Variants in CEP170 observed in about 807,000 individuals in gnomAD.
The protein encoded by CEP170 is centrosomal protein 170, also known as centrosomal protein of 170 kDa.
In CEP170, 21 loss-of-function variants were observed where a neutral mutation model predicts 151.9. That is an observed-to-expected ratio of 0.14 (90% CI 0.10 to 0.20). The LOEUF (loss-of-function observed/expected upper bound fraction) is 0.20. Ranked by LOEUF, CEP170 falls within the 10% of genes least tolerant of loss-of-function variation. The pLI is 1.00. For synonymous variants in CEP170, 356 were observed against 648.8 expected (o/e 0.55, Z 6.86); for missense variants, 964 against 1,892.9 (o/e 0.51, Z 9.11).
At chr1:243,233,643 G>A (rs1012327915) in intron 1 of CEP170, among the ~76,000 whole-genome samples, 1 of 150,080 alleles carries the variant, frequency 6.7e-6, no homozygotes, top group Admixed American at 6.7e-5. Flanking sequence ...TGAGGCAGGA[G>A]AATGGTGTGA....
At chr1:243,178,724 C>CT (rs1045037909) in intron 10 of CEP170, among the ~76,000 whole-genome samples, 2,162 of 144,688 alleles carry the variant, frequency 0.015, 38 homozygotes, top group African/African-American at 0.046. Context: ...TCTTCTTCTT[C>CT]TTTTTTTTTT....
At chr1:243,144,578 T>G (rs1480959224) in intron 14 of CEP170, among the ~76,000 whole-genome samples, 1 of 152,186 alleles carries the variant, frequency 6.6e-6, no homozygotes, top group African/African-American at 2.4e-5. Flanking sequence ...TAAGCATCAT[T>G]GTATCCAAAA....
In CEP170 at chr1:243,135,986, A is replaced by C. The variant is rs552651406; in HGVS notation, c.4319+157T>G. 1.2e-5 allele frequency: 13 copies of C among 1,069,104 alleles called. No individual in the cohort carries two copies. In the African/African-American group the frequency reaches 2.0e-4, roughly 16 times the overall value. 66.2% of individuals were successfully genotyped at this position (1,069,104 alleles called of 1,614,324 possible). A position where few individuals can be genotyped will look rare whatever the true frequency, so the allele number is the denominator to read the frequency against. ...TCTATTTATGTTTTGAATTACTAAT[A>C]AATTTAAAGTTATAAAGTAGTACTG... is the stretch of plus-strand genomic sequence containing the variant. On this transcript the variant is annotated intron_variant, in intron 17 of 19. Coordinates refer to ENST00000366542, the MANE Select transcript of CEP170 (RefSeq NM_014812.3).
At chr1:243,158,220 A>C (rs1244667652) in intron 13 of CEP170, among the ~76,000 whole-genome samples, 1 of 152,218 alleles carries the variant, frequency 6.6e-6, no homozygotes, top group Non-Finnish European at 1.5e-5. Context: ...TAGTGTAAAC[A>C]AATTTGTACG....
intron 14 of CEP170, among the ~76,000 whole-genome samples, chr1:243,143,413 G>T (rs1394258179): frequency 6.6e-6 from 1 of 151,886 alleles, no homozygotes; most frequent in Non-Finnish European, 1.5e-5. Context: ...TTTCCATAAA[G>T]CCATTTGCAT....
Position 243,158,631 on chromosome 1 carries a change from A to G in CEP170, c.3677-2176T>C, listed in dbSNP as rs1168670409. Among the ~76,000 whole-genome samples the G allele has an allele frequency of 2.0e-5, 3 of 152,298 alleles. No individual in the cohort carries two copies. In the East Asian group the frequency reaches 5.8e-4, roughly 29 times the overall value. On this transcript the variant is annotated intron_variant, in intron 13 of 19. Transcript: ENST00000366542. ...GCTAGAATCAACTTTTAATAGTCTG[A>G]GCTTAGGATCAAAATGCAATTACAT... is the stretch of plus-strand genomic sequence containing the variant.
chr1:243,232,961 G>A (rs1205188064), intron 1 of CEP170, among the ~76,000 whole-genome samples: 2 of 152,216 alleles, frequency 1.3e-5, no homozygotes, highest in Non-Finnish European at 2.9e-5. Flanking sequence ...TAGCTTTGGA[G>A]CTGCTACAAG....
At position 243,185,740 on chromosome 1, in the gene CEP170, C is replaced by T. The variant is rs1331733308; in HGVS notation, c.1566+39G>A. ...TAATTTCCACCAGTCAAATACACCA[C>T]ACAACAACTAAGATCACACTCAAAT... On this transcript the variant is annotated intron_variant, in intron 10 of 19. Transcript: ENST00000366542. This position sits in a 1 kb window ranked among gnomAD's most constrained non-coding sequence, Gnocchi z 4.9. The T allele has an allele frequency of 7.8e-6, 12 of 1,545,498 alleles. No homozygotes were observed. In the East Asian group the frequency reaches 2.7e-4, roughly 35 times the overall value.
chr1:243,186,978 C>T (rs993502573), intron 8 of CEP170, among the ~76,000 whole-genome samples: 26 of 152,232 alleles, frequency 1.7e-4, no homozygotes, highest in African/African-American at 6.0e-4. Context: ...AATTTGTAGT[C>T]CCCATTAATT....
intron 1 of CEP170, among the ~76,000 whole-genome samples, chr1:243,238,308 A>C (rs2064450153): frequency 6.6e-6 from 1 of 152,130 alleles, no homozygotes; most frequent in Admixed American, 6.6e-5. Context: ...AAAAATAAAT[A>C]AATTGCCAGG....
At chr1:243,194,582 T>C (rs1373547545) in intron 7 of CEP170, among the ~76,000 whole-genome samples, 1 of 151,914 alleles carries the variant, frequency 6.6e-6, no homozygotes, top group East Asian at 1.9e-4. Flanking sequence ...GAAGGATTCA[T>C]TTCCCTAAAG....
At chr1:243,205,802 C>G (rs1165994041) in intron 4 of CEP170, among the ~76,000 whole-genome samples, 1 of 151,384 alleles carries the variant, frequency 6.6e-6, no homozygotes, top group African/African-American at 2.4e-5. Flanking sequence ...GGAAATCAAC[C>G]CAGAAGAGAT....
intron 10 of CEP170, among the ~76,000 whole-genome samples, chr1:243,180,634 T>C (rs1000732038): frequency 6.6e-6 from 1 of 152,218 alleles, no homozygotes; most frequent in Admixed American, 6.5e-5. Flanking sequence ...ACATAGATTT[T>C]GATTCTGGTT....
intron 13 of CEP170, among the ~76,000 whole-genome samples, chr1:243,157,742 T>C (rs1317914446): frequency 2.6e-5 from 4 of 152,176 alleles, no homozygotes; most frequent in Non-Finnish European, 4.4e-5. Context: ...AAGGCTGAGG[T>C]TGCTCTCAGA....
intron 19 of CEP170, among the ~76,000 whole-genome samples, chr1:243,127,618 A>AT (rs2053858622): frequency 6.6e-6 from 1 of 152,182 alleles, no homozygotes; most frequent in Admixed American, 6.5e-5. Flanking sequence ...TAGGATCCAC[A>AT]TAAGTACCTA....
At chr1:243,182,782 C>A (rs145715683) in intron 10 of CEP170, among the ~76,000 whole-genome samples, 1 of 152,160 alleles carries the variant, frequency 6.6e-6, no homozygotes, top group South Asian at 2.1e-4. Context: ...GTATGTTTCA[C>A]GACTAGCTCA....
At chr1:243,254,066 A>G (rs2066238253) in intron 1 of CEP170, among the ~76,000 whole-genome samples, 1 of 152,062 alleles carries the variant, frequency 6.6e-6, no homozygotes, top group Admixed American at 6.6e-5. Context: ...CCCTGACACA[A>G]CAGCTTCGTT....
chr1:243,151,435 G>A (rs1370864086), intron 14 of CEP170, among the ~76,000 whole-genome samples: 1 of 151,598 alleles, frequency 6.6e-6, no homozygotes, highest in African/African-American at 2.4e-5. Flanking sequence ...ACACAGGAAT[G>A]ATAAGAAAGC....
intron 13 of CEP170, among the ~76,000 whole-genome samples, chr1:243,161,276 C>T (rs1004142543): frequency 1.3e-5 from 2 of 149,470 alleles, no homozygotes; most frequent in African/African-American, 5.0e-5. Flanking sequence ...ACACTCCAGC[C>T]TGGGCAACAA....
Sources: allele counts gnomAD v4.1 joint callset (sites outside exome capture counted in the v4.1 genomes callset), GRCh38; gene constraint gnomAD v4.1.1; non-coding constraint Gnocchi (gnomAD v3.1); transcripts MANE v1.5; gene names NCBI Gene and HGNC (gene_info 2026-07-23, HGNC 2026-07-21).